CDC6: variants seen among roughly 807,000 people sequenced by gnomAD.
CDC6 encodes cell division cycle 6.
In CDC6, 46 loss-of-function variants were observed where a neutral mutation model predicts 60.2. That is an observed-to-expected ratio of 0.76 (90% CI 0.60 to 0.98). The LOEUF is 0.98. CDC6 is among the 50% of genes least tolerant of loss of function. The pLI is 0.00. For missense variants in CDC6, 596 were observed against 652.9 expected, an observed-to-expected ratio of 0.91 and a Z score of 0.95; for synonymous variants, 210 against 233.2, an observed-to-expected ratio of 0.90 and a Z score of 0.90.
At position 40,293,647 on chromosome 17, in the gene CDC6, C is replaced by T. The variant is rs4135011; in HGVS notation, c.836+16C>T. The T allele has an allele frequency of 1.0e-3, 1,630 of 1,594,642 alleles. 15 individuals carry two copies. In the African/African-American group the frequency reaches 0.019, roughly 19 times the overall value. On this transcript the variant is annotated intron_variant, in intron 5 of 11. Transcript: ENST00000209728. ...GCCCCATGATGTAAGTATTGTTCTG[C>T]TTCATGTTGCTCTGTGAAAATCTGC...
At chr17:40,288,541 C>T (rs2032696820) in intron 1 of CDC6, among the ~76,000 whole-genome samples, 1 of 150,998 alleles carries the variant, frequency 6.6e-6, no homozygotes, top group African/African-American at 2.4e-5. Flanking sequence ...GCCTCAGCCT[C>T]TTCATGTAGC....
In CDC6 at chr17:40,289,208, C is replaced by A. The variant is rs1056596780; in HGVS notation, c.-13-200C>A. On this transcript the variant is annotated intron_variant, in intron 1 of 11. Transcript: ENST00000209728. ...GTACCTAAAGTGTTTATAACAGCGC[C>A]CTTCCACGTAGTAGGTAGACAACAA... 4 of 538,540 alleles carry A rather than the reference C, an allele frequency of 7.4e-6. No individual in the cohort carries two copies. In the African/African-American group the frequency reaches 7.6e-5, roughly 10 times the overall value. 33.4% of individuals were successfully genotyped at this position (538,540 alleles called of 1,614,324 possible).
chr17:40,294,598 C>A, intron 7 of CDC6, 95 bp downstream of exon 7: 2 of 1,195,788 alleles, frequency 1.7e-6, no homozygotes, highest in Non-Finnish European at 1.2e-6. Context: ...GCCTTGATTG[C>A]TTTATTAATG....
At chr17:40,291,847 G>A (rs1353653713) in intron 4 of CDC6, among the ~76,000 whole-genome samples, 179 bp downstream of exon 4, 2 of 152,172 alleles carry the variant, frequency 1.3e-5, no homozygotes, top group East Asian at 1.9e-4. Flanking sequence ...CCAGGTTCAC[G>A]CCATTCTCCT....
In CDC6 at chr17:40,289,585, C is replaced by T. The variant is rs142289528; in HGVS notation, c.165C>T (p.Pro55=). The T allele has an allele frequency of 1.6e-3, 2,524 of 1,613,974 alleles. 15 individuals are homozygous for T. In the Middle Eastern group the frequency reaches 0.02, roughly 13 times the overall value. The change falls in exon 2 of 12, where the codon CCC becomes CCT. Residue 55 remains proline, a synonymous_variant. Coordinates refer to ENST00000209728, the MANE Select transcript of CDC6 (RefSeq NM_001254.4). ...SPRVKALPLS[P]RKRLGDDNLC... Reference sequence around the variant, plus strand: ...GTGTAAAAGCCCTGCCTCTCAGCCCCAGGAAACGTCTGGGTAAACCATCCA... The same window carrying T: ...GTGTAAAAGCCCTGCCTCTCAGCCCTAGGAAACGTCTGGGTAAACCATCCA...
At chr17:40,294,320 A>C (rs920999557) in intron 6 of CDC6, 44 bp from the exon 7 acceptor site, 5 of 1,469,410 alleles carry the variant, frequency 3.4e-6, no homozygotes, top group Non-Finnish European at 4.8e-6. Flanking sequence ...TTTTCCCTTT[A>C]GGATAATTTG....
chr17:40,291,556 G>C lies in CDC6; in HGVS notation c.548G>C (p.Arg183Thr). The C allele has an allele frequency of 6.2e-7, 1 of 1,614,210 alleles. No individual in the cohort carries two copies. The highest frequency in any genetic ancestry group is 2.2e-5 in the East Asian group (1 of 44,888). Reference protein sequence around the residue: ...PAREREMDVIRNFLREHICGK... With the variant: ...PAREREMDVITNFLREHICGK... The stretch of plus-strand genomic sequence containing the variant: ...AGGGAAAGGGAGATGGATGTCATCA[G>C]GAATTTCTTGAGGGAACACATCTGT... The change falls in exon 4 of 12, where the codon AGG (arginine) becomes ACG (threonine). Residue 183 changes from arginine (R) to threonine (T), a missense_variant. Transcript: ENST00000209728.
rs760067601 is a variant in CDC6 at position 40,301,981 on chromosome 17, T to G, written c.1663T>G (p.Leu555Val). The G allele has an allele frequency of 8.2e-6, 13 of 1,588,340 alleles. No individual in the cohort carries two copies. Among genetic ancestry groups the G allele is most frequent in the Non-Finnish European group, 1.1e-5 (13 of 1,156,630 alleles). Residue 555 changes from leucine to valine, a missense_variant, in exon 12 of 12, where the codon TTA (leucine) becomes GTA (valine). Physicochemically the swap from Leu to Val is conservative, Grantham distance 32. Transcript: ENST00000209728. ...AGATAAAGCTTTAATTGGAAATATC[T>G]TAGCTACTGGATTGCCTTAAATTCT... ...LKDKALIGNI[L>V]ATGLP
At chr17:40,288,586 ATT>A (rs1177950375) in intron 1 of CDC6, among the ~76,000 whole-genome samples, 11 of 136,544 alleles carry the variant, frequency 8.1e-5, no homozygotes, top group Non-Finnish European at 9.5e-5. Flanking sequence ...CGTCCGGCTA[ATT>A]TTTTTTTTTT....
chr17:40,289,330 A>G (rs562223083), intron 1 of CDC6, 78 bp from the exon 2 acceptor site: 6 of 1,117,964 alleles, frequency 5.4e-6, no homozygotes, highest in South Asian at 1.3e-5. Context: ...AATCATCAGT[A>G]TAAATAAATT....
At chr17:40,294,337 G>A in intron 6 of CDC6, 27 bp from the exon 7 acceptor site, 1 of 1,551,652 alleles carries the variant, frequency 6.4e-7, no homozygotes, top group Non-Finnish European at 8.9e-7. Flanking sequence ...TTTGACCAAT[G>A]ATCAATGTTG....
chr17:40,289,749 C>T lies in CDC6; in HGVS notation c.178+151C>T, dbSNP rs575351300. ...TTTGAGACAGAGTCTCGCTCCATCT[C>T]CCAGGCTGGAGTGCAATAGTGCGAT... On this transcript the variant is annotated intron_variant, in intron 2 of 11. Coordinates refer to ENST00000209728, the MANE Select transcript of CDC6 (RefSeq NM_001254.4). The T allele has an allele frequency of 3.2e-4, 202 of 625,114 alleles. 3 individuals are homozygous for T. In the South Asian group the frequency reaches 3.6e-3, roughly 11 times the overall value. 38.7% of individuals were successfully genotyped at this position (625,114 alleles called of 1,614,324 possible).
chr17:40,295,510 T>C (rs2032844809), intron 8 of CDC6, 54 bp downstream of exon 8: 10 of 1,141,600 alleles, frequency 8.8e-6, no homozygotes, highest in Admixed American at 3.4e-5. Context: ...AAAGAAATGC[T>C]GTTAATTGTC....
At position 40,299,138 on chromosome 17, in the gene CDC6, C is replaced by CTTTTTTTTT. The variant is rs67162965; in HGVS notation, c.1250-1670_1250-1662dup. Among the ~76,000 whole-genome samples the CTTTTTTTTT allele has an allele frequency of 5.6e-3, 340 of 60,782 alleles. 57 individuals are homozygous for CTTTTTTTTT. The East Asian group carries it at 0.062, about 11-fold the overall frequency. The allele number at this position is 60,782 out of a possible 152,430, so 39.9% of individuals were successfully genotyped here. A position where few individuals can be genotyped will look rare whatever the true frequency, so the allele number is the denominator to read the frequency against. On this transcript the variant is annotated intron_variant, in intron 9 of 11. Coordinates refer to ENST00000209728, the MANE Select transcript of CDC6 (RefSeq NM_001254.4). ...CATCTCCAAACGATAAGGCCATAGT[C>CTTTTTTTTT]TTTTTTTTTTTTTTTTTTTTTTTTT... is the stretch of plus-strand genomic sequence containing the variant.
intron 7 of CDC6, among the ~76,000 whole-genome samples, chr17:40,295,034 T>TAA (rs2032838251): frequency 6.6e-6 from 1 of 152,190 alleles, no homozygotes. Context: ...CTCAAGTGCT[T>TAA]TCTTTAATGA....
chr17:40,294,201 C>A, intron 6 of CDC6, 145 bp downstream of exon 6: 1 of 904,690 alleles, frequency 1.1e-6, no homozygotes, highest in East Asian at 2.6e-5. Context: ...TACATCTTAC[C>A]TAATAGATAC....
intron 1 of CDC6, among the ~76,000 whole-genome samples, chr17:40,288,679 G>A (rs1183559044): frequency 4.7e-4 from 72 of 151,922 alleles, no homozygotes; most frequent in African/African-American, 1.3e-3. Context: ...CCGCCTCCCG[G>A]GTTCATGCCA....
chr17:40,296,229 A>T (rs1473845404), intron 8 of CDC6, among the ~76,000 whole-genome samples: 1 of 152,202 alleles, frequency 6.6e-6, no homozygotes, highest in Non-Finnish European at 1.5e-5. Flanking sequence ...GGTTTAGCCT[A>T]CACATATCCT....
At chr17:40,288,746 G>A (rs1390958657) in intron 1 of CDC6, among the ~76,000 whole-genome samples, 2 of 152,138 alleles carry the variant, frequency 1.3e-5, no homozygotes, top group Non-Finnish European at 2.9e-5. Flanking sequence ...CACCACGCCC[G>A]GCTAATTTTT....
Sources: allele counts gnomAD v4.1 joint callset (sites outside exome capture counted in the v4.1 genomes callset), GRCh38; gene constraint gnomAD v4.1.1; transcripts MANE v1.5; gene names NCBI Gene and HGNC (gene_info 2026-07-23, HGNC 2026-07-21).